The following TRPM8 variants were observed in gnomAD, a reference collection of about 807,000 sequenced individuals.
TRPM8 encodes TRPM8 cationic channel.
TRPM8 carries 110 observed loss-of-function variants against 133.7 expected under a neutral mutation model. The observed-to-expected ratio is 0.82, with a 90% CI of 0.70 to 0.96. The LOEUF (loss-of-function observed/expected upper bound fraction) is 0.96. Ranked by LOEUF, TRPM8 falls within the 40% of genes least tolerant of loss-of-function variation. The pLI, the probability that TRPM8 is intolerant of heterozygous loss-of-function variation, is 0.00. For synonymous variants in TRPM8, 535 were observed against 532.3 expected, an observed-to-expected ratio of 1.01 and a Z score of -0.07; for missense variants, 1,291 against 1,379.5, an observed-to-expected ratio of 0.94 and a Z score of 1.02.
In TRPM8 at chr2:233,989,270, G is replaced by A. The variant is rs565955308; in HGVS notation, c.2939+3405G>A. The stretch of plus-strand genomic sequence containing the variant: ...TCGTCTGTCACTTTCAGGTGAAGGA[G>A]ATGAAGTCCCAGCAGCTCAGCGTCT... On this transcript the variant is annotated intron_variant, in intron 21 of 25. Transcript: ENST00000324695. This position sits in a 1 kb window ranked among gnomAD's most constrained non-coding sequence, Gnocchi z 4.2. Among the ~76,000 whole-genome samples, 55 of 152,312 alleles carry A rather than the reference G, an allele frequency of 3.6e-4. 1 individual carries two copies. Among genetic ancestry groups the A allele is most frequent in the Non-Finnish European group, 6.9e-4 (47 of 68,026 alleles).
intron 11 of TRPM8, among the ~76,000 whole-genome samples, chr2:233,960,521 T>C (rs958675950): frequency 2.0e-5 from 3 of 152,196 alleles, no homozygotes; most frequent in Non-Finnish European, 4.4e-5. Flanking sequence ...CCAAGTCACA[T>C]CCAAATTCAC....
chr2:233,946,143 G>A (rs1574710797), intron 7 of TRPM8, 113 bp downstream of exon 7: 1 of 1,034,202 alleles, frequency 9.7e-7, no homozygotes, highest in East Asian at 2.6e-5. Context: ...ACCTGATCAG[G>A]TATTTTTATT....
At position 233,963,334 on chromosome 2, in the gene TRPM8, T is replaced by G. The variant is rs1261237222; in HGVS notation, c.1706T>G (p.Ile569Ser). 1.9e-6 allele frequency: 3 copies of G among 1,613,592 alleles called. No individual in the cohort carries two copies. Among genetic ancestry groups the G allele is most frequent in the Non-Finnish European group, 8.5e-7 (1 of 1,179,772 alleles). ...CTGCAAGCTCTCTTCATCTGGGCCA[T>G]TCTTCAGAATAAGAAGGAACTCTCC... ...HPLQALFIWA[I>S]LQNKKELSKV... Residue 569 changes from isoleucine to serine, a missense_variant, in exon 13 of 26, where the codon ATT (isoleucine) becomes AGT (serine). Physicochemically the swap from Ile to Ser is moderately radical, Grantham distance 142. Around this residue, in one of 2 missense-constraint regions of TRPM8, gnomAD observed 963 missense variants for 968.9 expected, o/e 0.99. Transcript: ENST00000324695.
chr2:233,945,646 T>A (rs181305049), intron 6 of TRPM8, among the ~76,000 whole-genome samples: 2 of 152,326 alleles, frequency 1.3e-5, no homozygotes, highest in East Asian at 3.9e-4. Flanking sequence ...AATGAGCACA[T>A]GGCACAACCA....
intron 1 of TRPM8, among the ~76,000 whole-genome samples, chr2:233,917,929 C>T (rs1332411449): frequency 6.6e-6 from 1 of 152,152 alleles, no homozygotes; most frequent in Non-Finnish European, 1.5e-5. Flanking sequence ...GTATATTTAG[C>T]TTGTTTTTAC....
intron 9 of TRPM8, among the ~76,000 whole-genome samples, chr2:233,953,405 T>A (rs1464359871): frequency 1.3e-5 from 2 of 152,240 alleles, no homozygotes; most frequent in African/African-American, 4.8e-5. Context: ...CAGGGTTATT[T>A]ACTTTTTAAA....
chr2:234,015,590 T>C (rs11562973), intron 25 of TRPM8, among the ~76,000 whole-genome samples: 1 of 152,156 alleles, frequency 6.6e-6, no homozygotes, highest in African/African-American at 2.4e-5. Flanking sequence ...GGGGAAATCA[T>C]GTTGCATTAG....
chr2:233,936,477 C>T (rs1003386126), intron 3 of TRPM8, among the ~76,000 whole-genome samples: 4 of 152,220 alleles, frequency 2.6e-5, no homozygotes, highest in African/African-American at 7.2e-5. Flanking sequence ...TCCTCATCTA[C>T]CCCAAATTAT....
At chr2:233,945,707 C>G in intron 6 of TRPM8, 149 bp from the exon 7 acceptor site, 6 of 615,530 alleles carry the variant, frequency 9.7e-6, no homozygotes, top group Non-Finnish European at 1.1e-5. Context: ...ACTATAAGAT[C>G]GCTAAGACCC....
chr2:234,014,228 T>G (rs1483776065), intron 24 of TRPM8, among the ~76,000 whole-genome samples: 1 of 152,196 alleles, frequency 6.6e-6, no homozygotes, highest in Admixed American at 6.5e-5. Context: ...TTAATGTTAG[T>G]TACATAGAAC....
At chr2:234,003,035 G>A (rs947980312) in intron 22 of TRPM8, among the ~76,000 whole-genome samples, 4 of 152,174 alleles carry the variant, frequency 2.6e-5, no homozygotes, top group African/African-American at 9.7e-5. Context: ...GTAATTGGTG[G>A]CAATTAAGAA....
At chr2:233,998,332 C>T (rs1314202789) in intron 22 of TRPM8, among the ~76,000 whole-genome samples, 7 of 152,172 alleles carry the variant, frequency 4.6e-5, no homozygotes, top group Non-Finnish European at 7.3e-5. Context: ...CTAAGTCATA[C>T]AATATTTTTA....
chr2:233,955,014 A>T, intron 10 of TRPM8, 118 bp from the exon 11 acceptor site: 2 of 712,512 alleles, frequency 2.8e-6, no homozygotes, highest in South Asian at 3.5e-5. Flanking sequence ...GTCTGAATGT[A>T]AGAGAACATG....
intron 14 of TRPM8, among the ~76,000 whole-genome samples, chr2:233,965,186 G>C (rs747661996): frequency 6.6e-6 from 1 of 152,172 alleles, no homozygotes; most frequent in Non-Finnish European, 1.5e-5. Flanking sequence ...CCCTGGGCCT[G>C]CGACACTCAT....
rs1027088702 is a variant in TRPM8, at chr2:233,977,190, G to A, written c.2356-2998G>A. On this transcript the variant is annotated intron_variant, in intron 17 of 25. Coordinates refer to ENST00000324695, the MANE Select transcript of TRPM8 (RefSeq NM_024080.5). Reference sequence around the variant, plus strand: ...CAGTTGCTAAATAATCCTTGGGTCTGTTAAACAGACATTGGGGATGTTTAT... The same window carrying A: ...CAGTTGCTAAATAATCCTTGGGTCTATTAAACAGACATTGGGGATGTTTAT... Among the ~76,000 whole-genome samples the A allele has an allele frequency of 7.2e-5, 11 of 152,240 alleles. No homozygotes were observed. The South Asian group carries it at 1.9e-3, about 26-fold the overall frequency.
In TRPM8 at chr2:233,953,978, A is replaced by T. The variant is rs750717088; in HGVS notation, c.1202A>T (p.Asp401Val). The change falls in exon 10 of 26, where the codon GAT becomes GTT. Residue 401 changes from aspartate to valine, a missense_variant. Asp to Val is a radical substitution (Grantham distance 152). Around this residue, in one of 2 missense-constraint regions of TRPM8, gnomAD observed 963 missense variants for 968.9 expected, o/e 0.99. Transcript: ENST00000324695. Reference protein sequence around the residue: ...LTVIKMEEAGDEIVSNAISYA... With the variant: ...LTVIKMEEAGVEIVSNAISYA... ...GTTATTAAAATGGAAGAAGCTGGGG[A>T]TGAAATTGTGAGCAATGCCATCTCC... The T allele has an allele frequency of 3.1e-6, 5 of 1,614,028 alleles. No homozygotes were observed. In the Admixed American group the frequency reaches 8.3e-5, roughly 27 times the overall value.
intron 5 of TRPM8, among the ~76,000 whole-genome samples, chr2:233,941,967 T>C (rs1232879925): frequency 1.3e-5 from 2 of 152,140 alleles, no homozygotes; most frequent in African/African-American, 4.8e-5. Flanking sequence ...TAGACATTCA[T>C]TGTCCATAAG....
At chr2:233,945,233 G>A (rs1691012509) in intron 6 of TRPM8, among the ~76,000 whole-genome samples, 1 of 152,158 alleles carries the variant, frequency 6.6e-6, no homozygotes, top group African/African-American at 2.4e-5. Context: ...TTGAGAGTGA[G>A]GAACCTTTTT....
Position 233,949,964 on chromosome 2 carries a change from A to G in TRPM8, c.958A>G (p.Ile320Val), listed in dbSNP as rs1691133755. ...KETLKAINTS[I>V]KNKIPCVVVE... ...CTTCCTCCAGGCCATCAATACCTCC[A>G]TCAAAAATAAAATTCCTTGTGTGGT... Residue 320 changes from isoleucine (I) to valine (V), a missense_variant, in exon 9 of 26, where the codon ATC (isoleucine) becomes GTC (valine). By Grantham distance (29) the Ile-to-Val change is conservative. Around this residue, in one of 2 missense-constraint regions of TRPM8, gnomAD observed 963 missense variants for 968.9 expected, o/e 0.99. Transcript: ENST00000324695. 4.3e-6 allele frequency: 7 copies of G among 1,613,976 alleles called. No homozygotes were observed. The East Asian group carries it at 1.1e-4, about 26-fold the overall frequency.
Sources: gnomAD v4.1 joint callset for allele counts (sites outside exome capture counted in the v4.1 genomes callset) on GRCh38, gnomAD v4.1.1 for gene constraint, gnomAD v4.1.1 regional missense constraint, Gnocchi (gnomAD v3.1) non-coding constraint, MANE v1.5 for transcripts, NCBI Gene and HGNC (gene_info 2026-07-23, HGNC 2026-07-21) for gene names.